Variants in PXDN observed in about 807,000 individuals in gnomAD.
PXDN encodes peroxidasin, also known as peroxidasin homolog.
In PXDN, 77 loss-of-function variants were observed where a neutral mutation model predicts 140.3. That is an observed-to-expected ratio of 0.55 (90% confidence interval 0.46 to 0.66). The LOEUF (loss-of-function observed/expected upper bound fraction) is 0.66. Among genes scored for constraint, PXDN ranks in the 30% least tolerant of loss-of-function variants. PXDN has a pLI of 0.00. For missense variants in PXDN, 1,838 were observed against 2,039.5 expected (o/e 0.90, Z 1.90); for synonymous variants, 911 against 857.4 (o/e 1.06, Z -1.09).
At chr2:1,727,255 CCCT>C (rs1282595599) in intron 1 of PXDN, among the ~76,000 whole-genome samples, 3 of 152,220 alleles carry the variant, frequency 2.0e-5, no homozygotes, top group South Asian at 2.1e-4. Context: ...CCCTCCTGCT[CCCT>C]CCTCCTGAGC....
chr2:1,676,854 T>G (rs890467647), intron 8 of PXDN, 73 bp downstream of exon 8: 15 of 1,364,948 alleles, frequency 1.1e-5, no homozygotes, highest in African/African-American at 1.4e-5. Context: ...TGGTGGGGAG[T>G]GAGGTGTGGT....
chr2:1,699,701 ACT>A (rs1271543256), intron 1 of PXDN, among the ~76,000 whole-genome samples: 1 of 152,136 alleles, frequency 6.6e-6, no homozygotes, highest in East Asian at 1.9e-4. Flanking sequence ...CAAGAGCGAA[ACT>A]CTGTCTCACC....
chr2:1,664,206 G>C (rs1012034003), intron 11 of PXDN: 7 of 164,446 alleles, frequency 4.3e-5, no homozygotes, highest in African/African-American at 1.7e-4. Flanking sequence ...TGTGATGCAG[G>C]CACAAGCCTC....
chr2:1,702,532 T>C (rs1178693277), intron 1 of PXDN, among the ~76,000 whole-genome samples: 3 of 152,236 alleles, frequency 2.0e-5, no homozygotes, highest in African/African-American at 7.2e-5. Context: ...AAGTTTGTTT[T>C]GCCAAGGTCG....
intron 8 of PXDN, among the ~76,000 whole-genome samples, chr2:1,675,192 A>G (rs1034602664): frequency 6.6e-6 from 1 of 152,120 alleles, no homozygotes. Context: ...ACGGCGAGCC[A>G]GCAGGTGAGG....
In PXDN at chr2:1,648,954, C is replaced by A; in HGVS notation, c.2826G>T (p.Gln942His). 1.2e-6 allele frequency: 2 copies of A among 1,605,690 alleles called. No homozygotes were observed. The highest frequency in any genetic ancestry group is 4.5e-5 in the East Asian group (2 of 44,558). Residue 942 changes from glutamine (Q) to histidine (H), a missense_variant, in exon 17 of 23, where the codon CAG becomes CAT. Around this residue, in one of 5 missense-constraint regions of PXDN, gnomAD observed 850 missense variants for 894.1 expected, o/e 0.95. Transcript: ENST00000252804. The surrounding 1 kb of genome is among the most constrained non-coding windows in gnomAD (Gnocchi z 8.9). ...HRGLLRQGIV[Q>H]RSGKPLLPFA... ...AGGGGAGCAGCGGCTTCCCGGACCG[C>A]TGCACGATGCCCTGCCGCAGCAGGC...
intron 6 of PXDN, among the ~76,000 whole-genome samples, chr2:1,680,888 C>G (rs58035986): frequency 1.0e-3 from 152 of 152,302 alleles, no homozygotes; most frequent in African/African-American, 3.4e-3. Context: ...GGGGTTCACA[C>G]CTAAGTTTCC....
chr2:1,708,999 G>A (rs1684687102), intron 1 of PXDN, among the ~76,000 whole-genome samples: 1 of 152,206 alleles, frequency 6.6e-6, no homozygotes, highest in Non-Finnish European at 1.5e-5. Flanking sequence ...CACGGTGACA[G>A]GCATGATCTG....
At chr2:1,717,160 C>A (rs2125475679) in intron 1 of PXDN, among the ~76,000 whole-genome samples, 1 of 152,364 alleles carries the variant, frequency 6.6e-6, no homozygotes, top group South Asian at 2.1e-4. Context: ...GAAACGCTGG[C>A]CATGAGAAAG....
intron 1 of PXDN, among the ~76,000 whole-genome samples, chr2:1,733,480 G>A (rs527301149): frequency 3.1e-4 from 47 of 152,246 alleles, no homozygotes; most frequent in Non-Finnish European, 5.9e-4. Flanking sequence ...TGCGGCTCAC[G>A]CATATAATCC....
chr2:1,661,104 G>T, intron 13 of PXDN, 67 bp from the exon 14 acceptor site: 1 of 1,570,950 alleles, frequency 6.4e-7, no homozygotes, highest in Non-Finnish European at 8.7e-7. Context: ...TCTGACCTAG[G>T]GTTGGGGGAG....
chr2:1,702,078 A>T (rs1017627210), intron 1 of PXDN, among the ~76,000 whole-genome samples: 6 of 152,178 alleles, frequency 3.9e-5, no homozygotes, highest in Admixed American at 3.9e-4. Context: ...AATACCATTA[A>T]TGAGATCAAA....
chr2:1,742,491 A>C (rs1685568947), intron 1 of PXDN, among the ~76,000 whole-genome samples: 1 of 152,214 alleles, frequency 6.6e-6, no homozygotes, highest in African/African-American at 2.4e-5. Flanking sequence ...CGAGCACACC[A>C]TGCAAAGCGG....
chr2:1,634,351 G>A, intron 22 of PXDN, 28 bp from the exon 23 acceptor site: 2 of 1,552,054 alleles, frequency 1.3e-6, no homozygotes, highest in Non-Finnish European at 1.7e-6. Context: ...AGCACAGCCT[G>A]TCAGCTCTGG....
intron 18 of PXDN, 82 bp from the exon 19 acceptor site, chr2:1,643,658 G>T: frequency 6.8e-7 from 1 of 1,462,838 alleles, no homozygotes; most frequent in Non-Finnish European, 9.5e-7. Flanking sequence ...AATCTCCCCT[G>T]CTTAGTTCAC....
chr2:1,682,806 C>T (rs1222606025), intron 6 of PXDN, among the ~76,000 whole-genome samples: 2 of 151,944 alleles, frequency 1.3e-5, no homozygotes, highest in East Asian at 1.9e-4. Flanking sequence ...CAGGCGTGGT[C>T]GCACGCGCCT....
rs1186504646 is a variant in PXDN at position 1,692,008 on chromosome 2, G to A, written c.273-9C>T. 1 of 1,500,638 alleles carries A rather than the reference G, an allele frequency of 6.7e-7. No individual in the cohort carries two copies. Among genetic ancestry groups the A allele is most frequent in the African/African-American group, 1.4e-5 (1 of 71,192 alleles). 93.0% of individuals were successfully genotyped at this position (1,500,638 alleles called of 1,614,324 possible). A position where few individuals can be genotyped will look rare whatever the true frequency, so the allele number is the denominator to read the frequency against. On this transcript the variant is annotated splice_polypyrimidine_tract_variant and intron_variant, in intron 2 of 22. Coordinates refer to ENST00000252804, the MANE Select transcript of PXDN (RefSeq NM_012293.3). ...GATTATTATTGAGAAGCCTATGAAA[G>A]AGAGTCGATAAGAATTTTAAAAAAC...
chr2:1,707,876 C>T (rs918983558), intron 1 of PXDN, among the ~76,000 whole-genome samples: 1 of 151,930 alleles, frequency 6.6e-6, no homozygotes, highest in African/African-American at 2.4e-5. Flanking sequence ...CATTTAGGAT[C>T]TACGTTTTAC....
intron 1 of PXDN, among the ~76,000 whole-genome samples, chr2:1,733,942 T>C (rs948333788): frequency 6.6e-6 from 1 of 152,024 alleles, no homozygotes; most frequent in African/African-American, 2.4e-5. Context: ...AGGACTGAAA[T>C]ATGAACCTAC....
Sources: allele counts gnomAD v4.1 joint callset (sites outside exome capture counted in the v4.1 genomes callset), GRCh38; gene constraint gnomAD v4.1.1; regional missense constraint gnomAD v4.1.1; non-coding constraint Gnocchi (gnomAD v3.1); transcripts MANE v1.5; gene names NCBI Gene and HGNC (gene_info 2026-07-23, HGNC 2026-07-21).